Variants in TTC23L observed in about 807,000 individuals in gnomAD.
TTC23L encodes tetratricopeptide repeat protein 23-like.
Under a neutral mutation model 48.1 loss-of-function variants are expected in TTC23L, and 42 were observed. The ratio of observed to expected loss-of-function variants is 0.87; its 90% CI spans 0.68 to 1.13. The LOEUF is 1.13. Ranked by LOEUF, TTC23L falls within the 50% of genes most tolerant of loss-of-function variation. The pLI is 0.00. For missense variants in TTC23L, 391 were observed against 421.0 expected, an observed-to-expected ratio of 0.93 and a Z score of 0.62; for synonymous variants, 159 against 157.2, an observed-to-expected ratio of 1.01 and a Z score of -0.09.
the TTC23L span, among the ~76,000 whole-genome samples, chr5:34,912,380 G>A: frequency 6.6e-6 from 1 of 152,144 alleles, no homozygotes; most frequent in Admixed American, 6.5e-5. Context: ...AGGGAAGGAG[G>A]AATATGACAG....
At position 34,840,660 on chromosome 5, in the gene TTC23L, G is replaced by C; in HGVS notation, c.-7-5G>C. On this transcript the variant is annotated splice_region_variant and splice_polypyrimidine_tract_variant and intron_variant, in intron 1 of 10. Transcript: ENST00000505624. ...TCAAAGCTGACCTTACCTGATTCTT[G>C]GTAGGAAGAAGATGCAAGCCAGCCC... 6.2e-7 allele frequency: 1 copy of C among 1,613,528 alleles called. No individual in the cohort carries two copies. Among genetic ancestry groups the C allele is most frequent in the Non-Finnish European group, 8.5e-7 (1 of 1,179,540 alleles).
intron 9 of TTC23L, among the ~76,000 whole-genome samples, chr5:34,886,379 A>C (rs930741384): frequency 3.3e-5 from 5 of 151,822 alleles, no homozygotes; most frequent in East Asian, 3.9e-4. Context: ...AAAAAAAAAA[A>C]AAAACGTTTT....
At chr5:34,866,009 T>TGA (rs1761026019) in intron 6 of TTC23L, among the ~76,000 whole-genome samples, 1 of 152,226 alleles carries the variant, frequency 6.6e-6, no homozygotes, top group African/African-American at 2.4e-5. Flanking sequence ...GAAGGAAATG[T>TGA]AGGCTTATAG....
chr5:34,864,191 A>G (rs1760881572), intron 5 of TTC23L, among the ~76,000 whole-genome samples: 1 of 152,214 alleles, frequency 6.6e-6, no homozygotes, highest in Admixed American at 6.5e-5. Flanking sequence ...TCACTCCTGC[A>G]AACACTGCCT....
At chr5:34,890,278 C>G (rs1411054877) in intron 9 of TTC23L, among the ~76,000 whole-genome samples, 2 of 151,226 alleles carry the variant, frequency 1.3e-5, no homozygotes, top group African/African-American at 4.9e-5. Flanking sequence ...AGCGCCATCG[C>G]TACAAAAAAT....
chr5:34,925,110 C>T, the TTC23L span: 65 of 1,440,462 alleles, frequency 4.5e-5, no homozygotes, highest in Middle Eastern at 3.6e-4. Flanking sequence ...GGAAATTACT[C>T]CCTTTTTTCA....
the TTC23L span, chr5:34,918,535 T>C: frequency 1.0e-6 from 1 of 954,448 alleles, no homozygotes; most frequent in Non-Finnish European, 1.5e-6. Context: ...TTTTTATGTT[T>C]TCACTTATTT....
chr5:34,871,473 C>T (rs975212839), intron 8 of TTC23L, among the ~76,000 whole-genome samples: 2 of 152,132 alleles, frequency 1.3e-5, no homozygotes, highest in Non-Finnish European at 2.9e-5. Context: ...AGATATCAGT[C>T]TTCCAAGATT....
At chr5:34,875,828 G>A (rs186388126) in intron 8 of TTC23L, among the ~76,000 whole-genome samples, 155 of 152,144 alleles carry the variant, frequency 1.0e-3, no homozygotes, top group Non-Finnish European at 4.6e-4. Flanking sequence ...CCAAACAATA[G>A]CAGAATGCAC....
chr5:34,917,477 C>CA, the TTC23L span, among the ~76,000 whole-genome samples: 462 of 138,894 alleles, frequency 3.3e-3, 4 homozygotes, highest in South Asian at 0.021. Flanking sequence ...ACTAACACTA[C>CA]AAAAAAAAAA....
At chr5:34,915,751 A>G in the TTC23L span, 6 of 1,603,608 alleles carry the variant, frequency 3.7e-6, no homozygotes, top group Non-Finnish European at 5.1e-6. Context: ...GGCGGCAACC[A>G]AGAGGAAACG....
At chr5:34,858,178 TG>T (rs1486379344) in intron 4 of TTC23L, among the ~76,000 whole-genome samples, 1 of 152,206 alleles carries the variant, frequency 6.6e-6, no homozygotes, top group African/African-American at 2.4e-5. Flanking sequence ...CCTTGAAAAC[TG>T]CTGCACTGTC....
At chr5:34,878,910 C>G (rs1762036764) in intron 8 of TTC23L, among the ~76,000 whole-genome samples, 2 of 152,146 alleles carry the variant, frequency 1.3e-5, no homozygotes, top group African/African-American at 4.8e-5. Context: ...TATCGTAGCA[C>G]TATTCACAAT....
intron 2 of TTC23L, among the ~76,000 whole-genome samples, chr5:34,841,419 T>C (rs781490017): frequency 3.3e-5 from 5 of 152,228 alleles, no homozygotes; most frequent in Non-Finnish European, 7.3e-5. Context: ...ATTTTATAGA[T>C]GAGTATGAAT....
At chr5:34,864,379 C>T in intron 5 of TTC23L, 58 bp from the exon 6 acceptor site, 1 of 1,578,710 alleles carries the variant, frequency 6.3e-7, no homozygotes. Context: ...TTATCACCTG[C>T]TGTCCCTGTG....
downstream of TTC23L, among the ~76,000 whole-genome samples, chr5:34,903,896 A>G (rs1412134611): frequency 6.6e-6 from 1 of 152,090 alleles, no homozygotes; most frequent in African/African-American, 2.4e-5. Flanking sequence ...CTCTGTACCA[A>G]GTTAGAAAAA....
chr5:34,896,237 G>A lies in TTC23L; in HGVS notation c.1078-533G>A, dbSNP rs552371111. Among the ~76,000 whole-genome samples, 6 of 152,274 alleles carry A rather than the reference G, an allele frequency of 3.9e-5. No individual in the cohort carries two copies. In the East Asian group the frequency reaches 1.2e-3, roughly 29 times the overall value. ...CTGCAATCCCCAGCTACTCTGCCAC[G>A]CCCACAGAAATGGTCTGATAGGAGA... On this transcript the variant is annotated intron_variant, in intron 9 of 10. Transcript: ENST00000505624.
At chr5:34,878,355 A>G (rs139603336) in intron 8 of TTC23L, among the ~76,000 whole-genome samples, 209 of 152,242 alleles carry the variant, frequency 1.4e-3, no homozygotes, top group African/African-American at 4.9e-3. Context: ...AATAGAAATC[A>G]AAGAACTAAA....
chr5:34,846,667 ATGTGTG>A (rs869123650), intron 3 of TTC23L, among the ~76,000 whole-genome samples: 668 of 66,332 alleles, frequency 0.01, 6 homozygotes, highest in African/African-American at 0.027. Context: ...ATATGTGTGT[ATGTGTG>A]TGTGTGTGTG....
Sources: allele counts gnomAD v4.1 joint callset (sites outside exome capture counted in the v4.1 genomes callset), GRCh38; gene constraint gnomAD v4.1.1; transcripts MANE v1.5; gene names NCBI Gene and HGNC (gene_info 2026-07-23, HGNC 2026-07-21).